The following SPMIP7 variants were observed in gnomAD, a reference collection of about 807,000 sequenced individuals.
The protein encoded by SPMIP7 is sperm microtubule inner protein 7.
At chr7:50,104,401 C>A in the SPMIP7 span, 11 of 1,504,202 alleles carry the variant, frequency 7.3e-6, no homozygotes, top group African/African-American at 1.5e-4. Flanking sequence ...GATGAGGAGG[C>A]AACATGTACA....
chr7:50,133,482 G>T, the SPMIP7 span, among the ~76,000 whole-genome samples: 1 of 152,136 alleles, frequency 6.6e-6, no homozygotes, highest in Non-Finnish European at 1.5e-5. Context: ...TCCTCTGAAG[G>T]TCAAATGAGC....
At chr7:50,146,594 A>C in the SPMIP7 span, among the ~76,000 whole-genome samples, 1 of 152,226 alleles carries the variant, frequency 6.6e-6, no homozygotes, top group African/African-American at 2.4e-5. Context: ...GTCATTGCAA[A>C]ATGATTCCAG....
At chr7:50,133,572 T>C in the SPMIP7 span, among the ~76,000 whole-genome samples, 1 of 152,174 alleles carries the variant, frequency 6.6e-6, no homozygotes, top group Non-Finnish European at 1.5e-5. Context: ...GCTTCTGTTA[T>C]CTAGCAGTCC....
chr7:50,145,683 G>T, the SPMIP7 span, among the ~76,000 whole-genome samples: 4 of 127,024 alleles, frequency 3.1e-5, no homozygotes, highest in Non-Finnish European at 6.6e-5. Flanking sequence ...ATGGGAGAGA[G>T]CCCTGAGATC....
the SPMIP7 span, among the ~76,000 whole-genome samples, chr7:50,134,464 G>A: frequency 1.1e-4 from 17 of 152,096 alleles, no homozygotes; most frequent in African/African-American, 3.6e-4. Flanking sequence ...ATACTTTGAT[G>A]TTTTCAATAT....
the SPMIP7 span, among the ~76,000 whole-genome samples, chr7:50,099,284 T>C: frequency 6.6e-6 from 1 of 152,210 alleles, no homozygotes; most frequent in African/African-American, 2.4e-5. Flanking sequence ...TACTAAAATA[T>C]CCTACTATTA....
chr7:50,140,590 C>A, the SPMIP7 span, among the ~76,000 whole-genome samples: 1 of 152,152 alleles, frequency 6.6e-6, no homozygotes, highest in Non-Finnish European at 1.5e-5. Flanking sequence ...ACATTTAATG[C>A]CGGCTTTCCA....
At chr7:50,116,545 T>C in the SPMIP7 span, among the ~76,000 whole-genome samples, 1 of 152,226 alleles carries the variant, frequency 6.6e-6, no homozygotes, top group East Asian at 1.9e-4. Flanking sequence ...TATGAAACTG[T>C]ATTCAAGAAT....
At chr7:50,150,708 C>T in the SPMIP7 span, among the ~76,000 whole-genome samples, 1 of 152,224 alleles carries the variant, frequency 6.6e-6, no homozygotes, top group Non-Finnish European at 1.5e-5. Flanking sequence ...ATTCCTTCCT[C>T]TGAACTACCT....
the SPMIP7 span, among the ~76,000 whole-genome samples, chr7:50,098,205 T>C: frequency 6.6e-6 from 1 of 152,176 alleles, no homozygotes; most frequent in African/African-American, 2.4e-5. Context: ...AAATATTATA[T>C]TGCTGATTTC....
the SPMIP7 span, among the ~76,000 whole-genome samples, chr7:50,150,586 A>T: frequency 6.6e-6 from 1 of 152,222 alleles, no homozygotes; most frequent in Non-Finnish European, 1.5e-5. Flanking sequence ...TGCAGCACAC[A>T]GGATGGAGCT....
the SPMIP7 span, among the ~76,000 whole-genome samples, chr7:50,130,383 C>G: frequency 6.6e-6 from 1 of 152,010 alleles, no homozygotes; most frequent in Non-Finnish European, 1.5e-5. Flanking sequence ...CTGTGCAGGG[C>G]AGCTCCCATT....
At chr7:50,135,582 T>C in the SPMIP7 span, among the ~76,000 whole-genome samples, 1 of 152,236 alleles carries the variant, frequency 6.6e-6, no homozygotes, top group Non-Finnish European at 1.5e-5. Context: ...TTCATCTAGC[T>C]AATTTTAAAG....
the SPMIP7 span, chr7:50,096,186 A>T: frequency 5.2e-5 from 81 of 1,551,636 alleles, no homozygotes; most frequent in Non-Finnish European, 7.0e-5. Flanking sequence ...CACTATTGTG[A>T]TCTCTTAAGA....
At chr7:50,110,932 A>T in the SPMIP7 span, among the ~76,000 whole-genome samples, 1 of 137,564 alleles carries the variant, frequency 7.3e-6, no homozygotes, top group Admixed American at 7.5e-5. Context: ...CTAATATATA[A>T]TATGTAAAAT....
chr7:50,144,775 C>A, the SPMIP7 span, among the ~76,000 whole-genome samples: 36 of 151,946 alleles, frequency 2.4e-4, no homozygotes, highest in African/African-American at 8.5e-4. Context: ...TAGAAAGAAT[C>A]CAAAATAGTC....
the SPMIP7 span, among the ~76,000 whole-genome samples, chr7:50,118,352 A>G: frequency 6.6e-6 from 1 of 152,136 alleles, no homozygotes; most frequent in East Asian, 1.9e-4. Context: ...ATTATGAACA[A>G]ATACTGGTGG....
the SPMIP7 span, among the ~76,000 whole-genome samples, chr7:50,133,480 A>T: frequency 3.3e-5 from 5 of 152,128 alleles, no homozygotes; most frequent in African/African-American, 1.2e-4. Flanking sequence ...TATCCTCTGA[A>T]GGTCAAATGA....
At chr7:50,104,271 G>T in the SPMIP7 span, 25 of 983,438 alleles carry the variant, frequency 2.5e-5, no homozygotes, top group African/African-American at 3.8e-4. Context: ...AACTTTTATT[G>T]TGTTTTTAAC....
Sources: gnomAD v4.1 joint callset for allele counts (sites outside exome capture counted in the v4.1 genomes callset) on GRCh38, gnomAD v4.1.1 for gene constraint, MANE v1.5 for transcripts, NCBI Gene and HGNC (gene_info 2026-07-23, HGNC 2026-07-21) for gene names.